CXADR: variants seen among roughly 807,000 people sequenced by gnomAD.
The protein encoded by CXADR is coxsackievirus and adenovirus receptor.
CXADR carries 20 observed loss-of-function variants against 40.3 expected under a neutral mutation model. The ratio of observed to expected loss-of-function variants is 0.50; its 90% CI spans 0.35 to 0.72. The LOEUF is 0.72. Among genes scored for constraint, CXADR ranks in the 30% least tolerant of loss-of-function variants. The pLI is 0.01. For missense variants in CXADR, 332 were observed against 449.1 expected, an observed-to-expected ratio of 0.74 and a Z score of 2.36; for synonymous variants, 150 against 161.3, an observed-to-expected ratio of 0.93 and a Z score of 0.53.
chr21:17,617,966 T>C, the CXADR span, among the ~76,000 whole-genome samples: 1 of 152,376 alleles, frequency 6.6e-6, no homozygotes, highest in South Asian at 2.1e-4. Context: ...CTGCTGCTGC[T>C]TTATCACTAA....
chr21:17,626,337 T>A, the CXADR span, among the ~76,000 whole-genome samples: 6 of 152,350 alleles, frequency 3.9e-5, no homozygotes, highest in African/African-American at 1.4e-4. Context: ...AGAGCAGTTT[T>A]TTCTCAAAAT....
rs760299895 is a variant in CXADR at position 17,551,841 on chromosome 21, T to C, written c.303T>C (p.Gly101=). ...TTACGAGTAATGATCTCAAATCTGG[T>C]GATGCATCAATAAATGTAACGAATT... ...VHFTSNDLKS[G]DASINVTNLQ... Residue 101 remains glycine (G), a synonymous_variant, in exon 3 of 7, where the codon GGT becomes GGC. Transcript: ENST00000284878. 5 of 1,613,794 alleles carry C rather than the reference T, an allele frequency of 3.1e-6. No individual in the cohort carries two copies. The South Asian group carries it at 5.5e-5, about 18-fold the overall frequency.
At chr21:17,597,486 G>T (rs921179407), downstream of CXADR, among the ~76,000 whole-genome samples, 3 of 151,122 alleles carry the variant, frequency 2.0e-5, no homozygotes, top group African/African-American at 7.3e-5. Flanking sequence ...TCTCTGGAAG[G>T]ATACTAAAAA....
the CXADR span, among the ~76,000 whole-genome samples, chr21:17,615,588 A>G: frequency 6.6e-6 from 1 of 152,212 alleles, no homozygotes; most frequent in African/African-American, 2.4e-5. Flanking sequence ...CTCTCAAAAT[A>G]TCTTATTGTA....
intron 1 of CXADR, chr21:17,518,842 A>AC: frequency 6.4e-7 from 1 of 1,562,814 alleles, no homozygotes; most frequent in Non-Finnish European, 8.8e-7. Flanking sequence ...TTCAATACCA[A>AC]CTATATTATT....
chr21:17,558,886 GATA>G, intron 3 of CXADR, 87 bp from the exon 4 acceptor site: 1 of 1,329,132 alleles, frequency 7.5e-7, no homozygotes, highest in Non-Finnish European at 1.0e-6. Context: ...AGAACCAACT[GATA>G]ATGAGTCAGT....
At chr21:17,633,392 C>G in the CXADR span, among the ~76,000 whole-genome samples, 14 of 152,158 alleles carry the variant, frequency 9.2e-5, no homozygotes, top group Admixed American at 6.5e-4. Flanking sequence ...TAGTGAGACT[C>G]CATCTCTACA....
chr21:17,619,018 T>G, the CXADR span, among the ~76,000 whole-genome samples: 6 of 152,210 alleles, frequency 3.9e-5, no homozygotes, highest in African/African-American at 1.4e-4. Flanking sequence ...GGAATATTTT[T>G]TTCTGAGCAA....
At chr21:17,546,734 A>G (rs1482837146) in intron 1 of CXADR, among the ~76,000 whole-genome samples, 1 of 152,206 alleles carries the variant, frequency 6.6e-6, no homozygotes, top group Non-Finnish European at 1.5e-5. Flanking sequence ...AGTTTTAAAC[A>G]TCTGCTTGCA....
the CXADR span, among the ~76,000 whole-genome samples, chr21:17,636,222 C>T: frequency 2.0e-5 from 3 of 152,250 alleles, no homozygotes; most frequent in South Asian, 4.2e-4. Context: ...ATGACAATAT[C>T]GTCTGTGAAT....
At chr21:17,590,282 G>A (rs910718769) in intron 7 of CXADR, among the ~76,000 whole-genome samples, 2 of 148,246 alleles carry the variant, frequency 1.3e-5, no homozygotes, top group Non-Finnish European at 3.0e-5. Flanking sequence ...TGTGCTGATT[G>A]TGTGCTTTAC....
chr21:17,631,636 C>T, the CXADR span, among the ~76,000 whole-genome samples: 2 of 152,158 alleles, frequency 1.3e-5, no homozygotes, highest in Non-Finnish European at 2.9e-5. Flanking sequence ...ACCAAATATT[C>T]GTTCTCTTAG....
intron 1 of CXADR, among the ~76,000 whole-genome samples, chr21:17,540,878 T>C (rs949278078): frequency 1.3e-5 from 2 of 152,266 alleles, no homozygotes; most frequent in African/African-American, 4.8e-5. Context: ...GTCAATTTTA[T>C]ATTTGAAATA....
the CXADR span, among the ~76,000 whole-genome samples, chr21:17,602,302 C>T: frequency 6.6e-6 from 1 of 152,208 alleles, no homozygotes; most frequent in Non-Finnish European, 1.5e-5. Flanking sequence ...TGTACTCTTG[C>T]AGCATTTTAT....
In CXADR at chr21:17,569,058, T is replaced by A; in HGVS notation, c.*3366T>A. 1.0e-6 allele frequency: 1 copy of A among 985,448 alleles called. No individual in the cohort carries two copies. The highest frequency in any genetic ancestry group is 1.2e-6 in the Non-Finnish European group (1 of 829,934). The allele number at this position is 985,448 out of a possible 1,614,324, so 61.0% of individuals were successfully genotyped here. A position where few individuals can be genotyped will look rare whatever the true frequency, so the allele number is the denominator to read the frequency against. On this transcript the variant is annotated 3_prime_UTR_variant, in exon 7 of 7. Coordinates refer to ENST00000284878, the MANE Select transcript of CXADR (RefSeq NM_001338.5). ...AACAAGTAAAGGGGCAAGTAAACCT[T>A]TTGATGAAATATAAAAGGAACTCAT...
chr21:17,533,694 T>C (rs1460083732), intron 1 of CXADR, among the ~76,000 whole-genome samples: 2 of 152,102 alleles, frequency 1.3e-5, no homozygotes, highest in East Asian at 3.9e-4. Flanking sequence ...AGTAACTGTT[T>C]AGTTGCTGTT....
At chr21:17,610,073 C>T in the CXADR span, among the ~76,000 whole-genome samples, 8 of 152,148 alleles carry the variant, frequency 5.3e-5, no homozygotes, top group Non-Finnish European at 7.4e-5. Flanking sequence ...AAGCCAGTCA[C>T]AAATGACCAC....
At chr21:17,609,216 G>GTT in the CXADR span, 3 of 1,481,760 alleles carry the variant, frequency 2.0e-6, no homozygotes, top group Non-Finnish European at 1.8e-6. Context: ...ATGAAGCTCT[G>GTT]TAAGATATAC....
At chr21:17,573,330 G>T (rs942034312), downstream of CXADR, among the ~76,000 whole-genome samples, 2 of 152,112 alleles carry the variant, frequency 1.3e-5, no homozygotes, top group East Asian at 3.9e-4. Context: ...ACATAGAGGT[G>T]TCCCATAGAG....
Sources: allele counts gnomAD v4.1 joint callset (sites outside exome capture counted in the v4.1 genomes callset), GRCh38; gene constraint gnomAD v4.1.1; transcripts MANE v1.5; gene names NCBI Gene and HGNC (gene_info 2026-07-23, HGNC 2026-07-21).